Variants in SNX8 observed in about 807,000 individuals in gnomAD.
SNX8 encodes sorting nexin-8.
A neutral mutation model predicts 51.6 loss-of-function variants in SNX8; 25 were observed. The observed-to-expected ratio is 0.48, with a 90% confidence interval of 0.35 to 0.68. SNX8 has a LOEUF of 0.68. Among genes scored for constraint, SNX8 ranks in the 30% least tolerant of loss-of-function variants. SNX8 has a pLI of 0.00. For synonymous variants in SNX8, 324 were observed against 277.0 expected (o/e 1.17, Z -1.68); for missense variants, 695 against 624.0 (o/e 1.11, Z -1.21).
At chr7:2,306,079 G>C (rs138426930) in intron 1 of SNX8, among the ~76,000 whole-genome samples, 1 of 152,108 alleles carries the variant, frequency 6.6e-6, no homozygotes, top group African/African-American at 2.4e-5. Flanking sequence ...GCTCTGTAGG[G>C]TCTCCCAAAG....
At position 2,257,084 on chromosome 7, in the gene SNX8, C is replaced by G. The variant is rs370068166; in HGVS notation, c.1135-61G>C. The G allele has an allele frequency of 5.3e-6, 8 of 1,513,042 alleles. No individual in the cohort carries two copies. The East Asian group carries it at 7.1e-5, about 13-fold the overall frequency. 93.7% of individuals were successfully genotyped at this position (1,513,042 alleles called of 1,614,324 possible). A position where few individuals can be genotyped will look rare whatever the true frequency, so the allele number is the denominator to read the frequency against. ...AGCCGGCGACGGGAGCACCAAGGCC[C>G]GAACACCAGCGTGCTCCCTGAGCCA... is the stretch of plus-strand genomic sequence containing the variant. On this transcript the variant is annotated intron_variant, in intron 9 of 10. Coordinates refer to ENST00000222990, the MANE Select transcript of SNX8 (RefSeq NM_013321.4).
intron 1 of SNX8, among the ~76,000 whole-genome samples, chr7:2,292,480 C>T (rs191024434): frequency 0.013 from 2,021 of 151,152 alleles, 47 homozygotes; most frequent in African/African-American, 0.046. Flanking sequence ...GGCGCGATCT[C>T]GGCTCACTGC....
chr7:2,280,054 G>T (rs554026513), intron 1 of SNX8, among the ~76,000 whole-genome samples: 4 of 152,288 alleles, frequency 2.6e-5, no homozygotes, highest in Admixed American at 1.3e-4. Flanking sequence ...GGAGGGAGGG[G>T]AGAGAAGAAG....
At chr7:2,351,697 G>GGTGA in intron 1 of SNX8, among the ~76,000 whole-genome samples, 1 of 151,688 alleles carries the variant, frequency 6.6e-6, no homozygotes, top group East Asian at 2.0e-4. Context: ...CGGGTGTGGT[G>GGTGA]GCAGGCGCCT....
intron 1 of SNX8, among the ~76,000 whole-genome samples, chr7:2,324,022 A>G (rs968347588): frequency 2.0e-5 from 3 of 151,828 alleles, no homozygotes; most frequent in Non-Finnish European, 4.4e-5. Flanking sequence ...TGGGAGGCTG[A>G]GGCAGGATAA....
At chr7:2,257,710 C>T in intron 8 of SNX8, 25 bp downstream of exon 8, 2 of 1,610,648 alleles carry the variant, frequency 1.2e-6, no homozygotes, top group Non-Finnish European at 1.7e-6. Context: ...GTTCTGCCCC[C>T]AGCCAAGGAG....
chr7:2,269,523 TAA>T (rs375189373), intron 5 of SNX8, 34 bp downstream of exon 5: 3,499 of 878,534 alleles, frequency 4.0e-3, no homozygotes, highest in Non-Finnish European at 4.2e-3. Context: ...AAAAATAAAT[TAA>T]AAAAAAAAAA....
At chr7:2,340,664 C>A (rs1204131357) in intron 1 of SNX8, among the ~76,000 whole-genome samples, 1 of 150,752 alleles carries the variant, frequency 6.6e-6, no homozygotes, top group Non-Finnish European at 1.5e-5. Context: ...CAAGACCAGC[C>A]TGGCCAATAT....
At chr7:2,342,822 ATTTATTT>A (rs1471126896) in intron 1 of SNX8, among the ~76,000 whole-genome samples, 2 of 151,336 alleles carry the variant, frequency 1.3e-5, no homozygotes, top group African/African-American at 4.9e-5. Context: ...TACATTATTT[ATTTATTT>A]TTTATTTTTT....
intron 1 of SNX8, among the ~76,000 whole-genome samples, chr7:2,328,579 A>G (rs2115232744): frequency 6.7e-6 from 1 of 149,178 alleles, no homozygotes; most frequent in East Asian, 2.0e-4. Flanking sequence ...TTAGGAGGCT[A>G]AGGCAGGCAG....
chr7:2,331,212 GAAAAGA>G (rs1778728814), intron 1 of SNX8, among the ~76,000 whole-genome samples: 1 of 139,996 alleles, frequency 7.1e-6, no homozygotes, highest in Non-Finnish European at 1.6e-5. Flanking sequence ...AAGAAAGAAA[GAAAAGA>G]AAAGAAAATT....
At chr7:2,291,183 C>T (rs1229944732) in intron 1 of SNX8, among the ~76,000 whole-genome samples, 2 of 152,070 alleles carry the variant, frequency 1.3e-5, no homozygotes, top group African/African-American at 4.8e-5. Context: ...ATCTGTAGTT[C>T]CAGCTGCTTC....
chr7:2,323,637 A>C lies in SNX8; in HGVS notation c.-66+30585T>G, dbSNP rs969884607. ...ATGATATGGCCCAGAAGTAAGACTC[A>C]TTGCTGTTCACAACGCATTGGCCAG... On this transcript the variant is annotated intron_variant, in intron 1 of 5. Coordinates refer to the SNX8 transcript ENST00000435336. Among the ~76,000 whole-genome samples the C allele has an allele frequency of 2.6e-4, 40 of 152,180 alleles. 1 individual carries two copies. Among genetic ancestry groups the C allele is most frequent in the Admixed American group, 2.6e-3 (40 of 15,256 alleles).
chr7:2,279,619 C>T (rs936650461), intron 1 of SNX8, among the ~76,000 whole-genome samples: 1 of 151,938 alleles, frequency 6.6e-6, no homozygotes, highest in African/African-American at 2.4e-5. Context: ...TGCGTGGTGG[C>T]TCACTGGCTA....
chr7:2,285,444 C>T (rs531563405), intron 1 of SNX8, among the ~76,000 whole-genome samples: 1 of 152,110 alleles, frequency 6.6e-6, no homozygotes, highest in Non-Finnish European at 1.5e-5. Flanking sequence ...ACAAACTGTT[C>T]TCAGGAAATG....
At chr7:2,306,218 T>C (rs540897135) in intron 1 of SNX8, among the ~76,000 whole-genome samples, 1 of 152,174 alleles carries the variant, frequency 6.6e-6, no homozygotes, top group Non-Finnish European at 1.5e-5. Flanking sequence ...CTCAGCTCAC[T>C]GCAACCTCGA....
intron 1 of SNX8, among the ~76,000 whole-genome samples, chr7:2,335,387 G>A (rs1274960039): frequency 3.3e-5 from 5 of 152,094 alleles, no homozygotes; most frequent in Non-Finnish European, 5.9e-5. Context: ...GGTGGCTCAC[G>A]CCTGTAATCC....
intron 1 of SNX8, among the ~76,000 whole-genome samples, chr7:2,332,771 G>GA (rs1778760620): frequency 4.1e-5 from 6 of 147,350 alleles, no homozygotes; most frequent in African/African-American, 1.3e-4. Flanking sequence ...AGGAAGGAAG[G>GA]AGGGAAGGAG....
chr7:2,344,096 T>C (rs557585326), intron 1 of SNX8, among the ~76,000 whole-genome samples: 138 of 151,042 alleles, frequency 9.1e-4, no homozygotes, highest in Middle Eastern at 3.4e-3. Context: ...CCCAGCTATT[T>C]GGGTGGCTGA....
Sources: allele counts gnomAD v4.1 joint callset (sites outside exome capture counted in the v4.1 genomes callset), GRCh38; gene constraint gnomAD v4.1.1; transcripts MANE v1.5; gene names NCBI Gene and HGNC (gene_info 2026-07-23, HGNC 2026-07-21).